Variants in PDHA1 observed in about 807,000 individuals in gnomAD.
The protein encoded by PDHA1 is pyruvate dehydrogenase E1 subunit alpha 1.
Under a neutral mutation model 33.0 loss-of-function variants are expected in PDHA1, and 1 was observed. The observed-to-expected ratio is 0.03, with a 90% CI of 0.01 to 0.14. The LOEUF is 0.14. Ranked by LOEUF, PDHA1 falls within the 10% of genes least tolerant of loss-of-function variation. The pLI is 1.00. For synonymous variants in PDHA1, 123 were observed against 119.2 expected, an observed-to-expected ratio of 1.03 and a Z score of -0.21; for missense variants, 168 against 325.1, an observed-to-expected ratio of 0.52 and a Z score of 3.72.
intron 8 of PDHA1, 106 bp from the exon 9 acceptor site, chrX:19,357,546 T>A (rs749492581): frequency 1.6e-6 from 1 of 618,402 alleles, no homozygotes; most frequent in Admixed American, 2.2e-5. Flanking sequence ...CTGATAAGAC[T>A]ACACTGGACG....
At chrX:19,346,554 G>T in intron 1 of PDHA1, 4 of 685,253 alleles carry the variant, frequency 5.8e-6, no homozygotes, top group Non-Finnish European at 8.4e-6. Flanking sequence ...CCATCTCCAG[G>T]CTCAAGCAGT....
At chrX:19,359,290 T>C (rs951213253) in intron 10 of PDHA1, among the ~76,000 whole-genome samples, 199 bp from the exon 11 acceptor site, 2 of 111,970 alleles carry the variant, frequency 1.8e-5, no homozygotes, top group Non-Finnish European at 3.8e-5. Context: ...TGGTTCTTTT[T>C]TCCTAAAAGT....
chrX:19,356,378 G>A (rs943251373), intron 8 of PDHA1, among the ~76,000 whole-genome samples: 4 of 111,741 alleles, frequency 3.6e-5, no homozygotes, highest in East Asian at 2.8e-4. Context: ...GCACTTCAGC[G>A]CCATACCATG....
At chrX:19,359,111 A>T in intron 10 of PDHA1, 87 bp downstream of exon 10, 1 of 567,031 alleles carries the variant, frequency 1.8e-6, no homozygotes, top group South Asian at 2.4e-5. Flanking sequence ...GGGTTCCTCC[A>T]AGCCCAGAAA....
At chrX:19,345,733 C>G in intron 1 of PDHA1, 1 of 288,685 alleles carries the variant, frequency 3.5e-6, no homozygotes, top group Non-Finnish European at 6.5e-6. Context: ...TTTCCTGTAT[C>G]AGTTTGCAGG....
rs1319654925 is a variant in PDHA1, at chrX:19,359,892, C to G, written c.*239C>G. The G allele has an allele frequency of 2.5e-6, 1 of 406,863 alleles. No homozygotes were observed. The highest frequency in any genetic ancestry group is 2.5e-5 in the African/African-American group (1 of 39,758). 33.5% of individuals were successfully genotyped at this position (406,863 alleles called of 1,213,427 possible). ...AAATAGTATACTTTGAACAAATACT[C>G]TAATTATGAAAAGGAAGAACAATTC... On this transcript the variant is annotated 3_prime_UTR_variant, in exon 11 of 11. Coordinates refer to ENST00000422285, the MANE Select transcript of PDHA1 (RefSeq NM_000284.4).
At chrX:19,357,987 C>T (rs1167140632) in intron 9 of PDHA1, among the ~76,000 whole-genome samples, 1 of 111,759 alleles carries the variant, frequency 8.9e-6, no homozygotes, top group African/African-American at 3.3e-5. Context: ...GAAATTGTTA[C>T]ATAAAACAGG....
rs72116174 is a variant in PDHA1, at chrX:19,360,051, C to CATTTCTCT, written c.*400_*407dup. Reference sequence around the variant, plus strand: ...GGTGCTGCAGCCTGTTCGCGCTGACCATTTCTCTACAAGATACAATATTTA... The same window carrying CATTTCTCT: ...GGTGCTGCAGCCTGTTCGCGCTGACCATTTCTCTATTTCTCTACAAGATACAATATTTA... On this transcript the variant is annotated 3_prime_UTR_variant, in exon 11 of 11. Transcript: ENST00000422285. The CATTTCTCT allele has an allele frequency of 1.4e-4, 27 of 186,803 alleles. No individual in the cohort carries two copies. The highest frequency in any genetic ancestry group is 1.2e-3 in the South Asian group (18 of 15,353). 15.4% of individuals were successfully genotyped at this position (186,803 alleles called of 1,213,427 possible).
chrX:19,356,266 T>A (rs186650588), intron 8 of PDHA1, among the ~76,000 whole-genome samples: 37 of 111,758 alleles, frequency 3.3e-4, no homozygotes, highest in Non-Finnish European at 6.0e-4. Flanking sequence ...GAGACTGGCC[T>A]AAAGAGGTTT....
At chrX:19,351,886 C>T (rs868180288) in intron 4 of PDHA1, among the ~76,000 whole-genome samples, 41 of 104,749 alleles carry the variant, frequency 3.9e-4, no homozygotes, top group African/African-American at 1.4e-3. Context: ...GCAACCTCCA[C>T]CTCCCGGGTT....
intron 7 of PDHA1, 30 bp downstream of exon 7, chrX:19,355,534 A>G (rs752319005): frequency 2.8e-6 from 3 of 1,061,811 alleles, no homozygotes; most frequent in African/African-American, 2.0e-4. Context: ...GGCCGGGGCC[A>G]AGGCCAAGGC....
In PDHA1 at chrX:19,355,533, C is replaced by A. The variant is rs767940407; in HGVS notation, c.759+29C>A. 5 of 1,061,599 alleles carry A rather than the reference C, an allele frequency of 4.7e-6. No homozygotes were observed. The Admixed American group carries it at 1.2e-4, about 26-fold the overall frequency. 87.5% of individuals were successfully genotyped at this position (1,061,599 alleles called of 1,213,427 possible). A position where few individuals can be genotyped will look rare whatever the true frequency, so the allele number is the denominator to read the frequency against. ...AGGACACCTGTGGTGGGGCCGGGGC[C>A]AAGGCCAAGGCCAAGGGTATGTCCT... is the stretch of plus-strand genomic sequence containing the variant. On this transcript the variant is annotated intron_variant, in intron 7 of 10. Coordinates refer to ENST00000422285, the MANE Select transcript of PDHA1 (RefSeq NM_000284.4).
intron 1 of PDHA1, among the ~76,000 whole-genome samples, chrX:19,345,533 G>GC (rs2063125093): frequency 1.1e-5 from 1 of 87,054 alleles, no homozygotes; most frequent in Non-Finnish European, 2.1e-5. Context: ...TCGTGCCATT[G>GC]CACTACGGCC....
rs200897748 is a variant in PDHA1 at position 19,344,118 on chromosome X, G to A, written c.57+24G>A. On this transcript the variant is annotated intron_variant, in intron 1 of 10. Transcript: ENST00000422285. The stretch of plus-strand genomic sequence containing the variant: ...CGGTGAGACCTCCCGGGCGGGCCGG[G>A]ATGGGGCGCGAGTGGGGCTGAGGCG... 4 of 1,171,456 alleles carry A rather than the reference G, an allele frequency of 3.4e-6. No homozygotes were observed. In the South Asian group the frequency reaches 7.3e-5, roughly 21 times the overall value.
chrX:19,355,859 G>A, intron 8 of PDHA1, 102 bp downstream of exon 8: 1 of 613,252 alleles, frequency 1.6e-6, no homozygotes, highest in Non-Finnish European at 2.7e-6. Flanking sequence ...CCTGCTAATT[G>A]AGGTGCATGA....
rs745566169 is a variant in PDHA1 at position 19,360,959 on chromosome X, G to A, written c.*1306G>A. 2.3e-4 allele frequency: 114 copies of A among 489,096 alleles called. 1 individual carries two copies. The highest frequency in any genetic ancestry group is 7.6e-4 in the Admixed American group (19 of 24,948). 40.3% of individuals were successfully genotyped at this position (489,096 alleles called of 1,213,427 possible). A position where few individuals can be genotyped will look rare whatever the true frequency, so the allele number is the denominator to read the frequency against. Reference sequence around the variant, plus strand: ...CTCCTCACATATGGAGGTGACGCTCGTGTCCCAGCAGTAGTAGGACATGGC... The same window carrying A: ...CTCCTCACATATGGAGGTGACGCTCATGTCCCAGCAGTAGTAGGACATGGC... On this transcript the variant is annotated 3_prime_UTR_variant, in exon 11 of 11. Coordinates refer to ENST00000422285, the MANE Select transcript of PDHA1 (RefSeq NM_000284.4).
chrX:19,360,407 C>G lies in PDHA1; in HGVS notation c.*754C>G, dbSNP rs1459212837. The G allele has an allele frequency of 5.2e-6, 1 of 191,833 alleles. No homozygotes were observed. The highest frequency in any genetic ancestry group is 9.5e-6 in the Non-Finnish European group (1 of 105,653). The allele number at this position is 191,833 out of a possible 1,213,427, so 15.8% of individuals were successfully genotyped here. ...GGGCTCTGTTGCCCAGGCTGGAGTG[C>G]AGTGGTGTGATCATGGCTCACTGCA... On this transcript the variant is annotated 3_prime_UTR_variant, in exon 11 of 11. Transcript: ENST00000422285.
intron 9 of PDHA1, among the ~76,000 whole-genome samples, chrX:19,358,167 A>T (rs1263542502): frequency 5.4e-5 from 6 of 111,905 alleles, no homozygotes; most frequent in Non-Finnish European, 1.1e-4. Context: ...TCAATCAAAA[A>T]AGCTAGGTTC....
chrX:19,345,572 TAAAAAAAAAAAAA>T (rs11318265), intron 1 of PDHA1, among the ~76,000 whole-genome samples: 375 of 30,295 alleles, frequency 0.012, 5 homozygotes, highest in Non-Finnish European at 0.021. Context: ...CTCCGTATTT[TAAAAAAAAAAAAA>T]AAAAAAAAAA....
Sources: allele counts gnomAD v4.1 joint callset (sites outside exome capture counted in the v4.1 genomes callset), GRCh38; gene constraint gnomAD v4.1.1; transcripts MANE v1.5; gene names NCBI Gene and HGNC (gene_info 2026-07-23, HGNC 2026-07-21).